EFNA5: variants seen among roughly 807,000 people sequenced by gnomAD.
EFNA5 encodes ephrin-A5.
EFNA5 carries 5 observed loss-of-function variants against 22.9 expected under a neutral mutation model. The ratio of observed to expected loss-of-function variants is 0.22; its 90% CI spans 0.11 to 0.46. EFNA5 has a LOEUF of 0.46. Ranked by LOEUF, EFNA5 falls within the 20% of genes least tolerant of loss-of-function variation. The pLI, the probability that EFNA5 is intolerant of heterozygous loss-of-function variation, is 0.99. For synonymous variants in EFNA5, 113 were observed against 112.2 expected (o/e 1.01, Z -0.04); for missense variants, 237 against 293.3 (o/e 0.81, Z 1.40).
At chr5:107,587,646 A>T (rs918632986) in intron 1 of EFNA5, among the ~76,000 whole-genome samples, 5 of 152,136 alleles carry the variant, frequency 3.3e-5, no homozygotes, top group Non-Finnish European at 7.4e-5. Flanking sequence ...CCTCCTGAAT[A>T]GCTGGGACTA....
intron 1 of EFNA5, among the ~76,000 whole-genome samples, chr5:107,572,475 A>T (rs1300954330): frequency 6.6e-6 from 1 of 152,220 alleles, no homozygotes; most frequent in Admixed American, 6.5e-5. Context: ...AAAGCTAGGG[A>T]GGAGGGGGCC....
rs25962 is a variant in EFNA5 at position 107,425,832 on chromosome 5, A to G, written c.418+1385T>C. Among the ~76,000 whole-genome samples, 283 of 152,328 alleles carry G rather than the reference A, an allele frequency of 1.9e-3. 9 individuals are homozygous for G. In the East Asian group the frequency reaches 0.048, roughly 26 times the overall value. ...GGAGCTAGAAATCCCTGTAGACTTA[A>G]ACCGTGTAAGTTGTGAGTGGGTAGG... is the stretch of plus-strand genomic sequence containing the variant. On this transcript the variant is annotated intron_variant, in intron 2 of 4. Transcript: ENST00000333274.
At chr5:107,523,924 T>C (rs1207947313) in intron 1 of EFNA5, among the ~76,000 whole-genome samples, 2 of 152,228 alleles carry the variant, frequency 1.3e-5, no homozygotes, top group Non-Finnish European at 2.9e-5. Flanking sequence ...TTCTCTATGC[T>C]AATAGAAAAT....
chr5:107,590,472 T>G (rs1013188968), intron 1 of EFNA5, among the ~76,000 whole-genome samples: 1 of 151,966 alleles, frequency 6.6e-6, no homozygotes, highest in Non-Finnish European at 1.5e-5. Context: ...TCACTCAGCC[T>G]CAACCTCCTG....
At chr5:107,557,615 C>T (rs372611693) in intron 1 of EFNA5, among the ~76,000 whole-genome samples, 2 of 152,182 alleles carry the variant, frequency 1.3e-5, no homozygotes, top group East Asian at 1.9e-4. Context: ...TACACGCTGC[C>T]GGCTCTTATC....
rs187492197 is a variant in EFNA5, at chr5:107,429,403, G to A, written c.126-1894C>T. Reference sequence around the variant, plus strand: ...GGAGGTTGCAGTGAGCTGAGATCACGCCACTGCACTCCAGCCTGGGTGACA... The same window carrying A: ...GGAGGTTGCAGTGAGCTGAGATCACACCACTGCACTCCAGCCTGGGTGACA... On this transcript the variant is annotated intron_variant, in intron 1 of 4. Coordinates refer to ENST00000333274, the MANE Select transcript of EFNA5 (RefSeq NM_001962.3). 1.2e-3 allele frequency among the ~76,000 whole-genome samples: 183 copies of A among 152,280 alleles called. 3 individuals carry two copies. The highest frequency in any genetic ancestry group is 8.2e-4 in the Non-Finnish European group (56 of 68,028).
intron 1 of EFNA5, among the ~76,000 whole-genome samples, chr5:107,587,847 G>A (rs539537829): frequency 6.6e-6 from 1 of 152,216 alleles, no homozygotes; most frequent in African/African-American, 2.4e-5. Flanking sequence ...TACGATGACT[G>A]TTCCTGTCTT....
At chr5:107,428,548 A>G (rs962412204) in intron 1 of EFNA5, among the ~76,000 whole-genome samples, 4 of 152,254 alleles carry the variant, frequency 2.6e-5, no homozygotes, top group African/African-American at 9.6e-5. Context: ...TGTGTGAAAC[A>G]GGAACTGTTA....
intron 1 of EFNA5, among the ~76,000 whole-genome samples, chr5:107,578,691 T>C (rs1179335341): frequency 6.6e-6 from 1 of 152,188 alleles, no homozygotes; most frequent in African/African-American, 2.4e-5. Flanking sequence ...GGTGACAGAC[T>C]TTTGTTCTCC....
chr5:107,387,819 ACAT>A (rs772766764), intron 2 of EFNA5, 48 bp from the exon 3 acceptor site: 1 of 1,266,430 alleles, frequency 7.9e-7, no homozygotes. Flanking sequence ...GAGAACAACA[ACAT>A]ATTACTCTTC....
chr5:107,521,474 A>T (rs78659325), intron 1 of EFNA5, among the ~76,000 whole-genome samples: 138 of 128,162 alleles, frequency 1.1e-3, no homozygotes, highest in South Asian at 5.1e-3. Context: ...ATATATATAT[A>T]TATTTTTTTT....
chr5:107,586,344 A>G (rs1303508376), intron 1 of EFNA5, among the ~76,000 whole-genome samples: 5 of 152,214 alleles, frequency 3.3e-5, no homozygotes, highest in African/African-American at 1.2e-4. Context: ...AAGATGGTAA[A>G]CAAATCTCCA....
intron 1 of EFNA5, among the ~76,000 whole-genome samples, chr5:107,561,530 G>C (rs556278114): frequency 6.6e-6 from 1 of 151,918 alleles, no homozygotes; most frequent in African/African-American, 2.4e-5. Context: ...CACCATGCCC[G>C]GCTAATATTT....
intron 1 of EFNA5, among the ~76,000 whole-genome samples, chr5:107,558,298 G>A (rs1203418155): frequency 6.6e-6 from 1 of 151,858 alleles, no homozygotes; most frequent in African/African-American, 2.4e-5. Flanking sequence ...TTGTTTTTAA[G>A]TAACTCGCTT....
intron 1 of EFNA5, among the ~76,000 whole-genome samples, chr5:107,641,387 C>T (rs1750508123): frequency 6.6e-6 from 1 of 151,842 alleles, no homozygotes; most frequent in Admixed American, 6.6e-5. Flanking sequence ...AAATAAAGCT[C>T]ACACACATTC....
chr5:107,572,850 G>C (rs1405772566), intron 1 of EFNA5, among the ~76,000 whole-genome samples: 1 of 151,986 alleles, frequency 6.6e-6, no homozygotes, highest in Non-Finnish European at 1.5e-5. Context: ...CTGATGTTTT[G>C]TAAGATCAGC....
chr5:107,567,506 A>G (rs905479123), intron 1 of EFNA5, among the ~76,000 whole-genome samples: 1 of 152,140 alleles, frequency 6.6e-6, no homozygotes, highest in African/African-American at 2.4e-5. Flanking sequence ...TACTCTGGAG[A>G]GGTGAGAGAA....
At chr5:107,572,736 CAT>C (rs796529147) in intron 1 of EFNA5, among the ~76,000 whole-genome samples, 13 of 152,280 alleles carry the variant, frequency 8.5e-5, no homozygotes, top group African/African-American at 2.6e-4. Flanking sequence ...TTTTTTTACA[CAT>C]GTCTTCACAC....
At chr5:107,654,963 T>C (rs973169274) in intron 1 of EFNA5, among the ~76,000 whole-genome samples, 5 of 151,982 alleles carry the variant, frequency 3.3e-5, no homozygotes, top group Admixed American at 3.3e-4. Flanking sequence ...CCTTAAGGAA[T>C]TACTGGATAG....
Sources: gnomAD v4.1 joint callset for allele counts (sites outside exome capture counted in the v4.1 genomes callset) on GRCh38, gnomAD v4.1.1 for gene constraint, MANE v1.5 for transcripts, NCBI Gene and HGNC (gene_info 2026-07-23, HGNC 2026-07-21) for gene names.